ATP2B1: variants seen among roughly 807,000 people sequenced by gnomAD.
ATP2B1 encodes plasma membrane calcium-transporting ATPase 1.
A neutral mutation model predicts 124.2 loss-of-function variants in ATP2B1; 14 were observed. That is an observed-to-expected ratio of 0.11 (90% CI 0.07 to 0.18). The LOEUF (loss-of-function observed/expected upper bound fraction) is 0.18. Among genes scored for constraint, ATP2B1 ranks in the 10% least tolerant of loss-of-function variants. The probability of loss-of-function intolerance (pLI) is 1.00; values close to 1 mark genes in which losing one functional copy is unlikely to be tolerated. For synonymous variants in ATP2B1, 449 were observed against 492.4 expected (o/e 0.91, Z 1.17); for missense variants, 763 against 1,466.1 (o/e 0.52, Z 7.83).
At chr12:89,623,357 T>C (rs1335173635) in intron 9 of ATP2B1, among the ~76,000 whole-genome samples, 1 of 151,818 alleles carries the variant, frequency 6.6e-6, no homozygotes, top group African/African-American at 2.4e-5. Context: ...GCTACATCTT[T>C]TTTTTTTTTA....
chr12:89,611,874 C>T (rs565694402), intron 12 of ATP2B1: 1 of 152,516 alleles, frequency 6.6e-6, no homozygotes, highest in South Asian at 2.1e-4. Flanking sequence ...CATCCTGCCC[C>T]TACCTCACTG....
chr12:89,633,445 G>C (rs1882205217), intron 5 of ATP2B1, among the ~76,000 whole-genome samples: 2 of 150,852 alleles, frequency 1.3e-5, no homozygotes, highest in Admixed American at 6.6e-5. Context: ...AATGTTCTAA[G>C]TGGCACAGGA....
intron 14 of ATP2B1, 28 bp from the exon 15 acceptor site, chr12:89,610,071 TA>T: frequency 6.4e-7 from 1 of 1,568,424 alleles, no homozygotes; most frequent in Non-Finnish European, 8.8e-7. Context: ...ATTTGTGTTA[TA>T]AAAACATTAC....
rs138695665 is a variant in ATP2B1 at position 89,698,996 on chromosome 12, TCA to T, written c.-222+9598_-222+9599del. On this transcript the variant is annotated intron_variant, in intron 1 of 20. Transcript: ENST00000428670. ...TTCTGCAAGGATGAAGGAAAAGAGA[TCA>T]CAGAGTACAGACAGAGGGAAAGATA... 2.4e-3 allele frequency among the ~76,000 whole-genome samples: 359 copies of T among 152,256 alleles called. 2 individuals carry two copies. The highest frequency in any genetic ancestry group is 8.1e-3 in the African/African-American group (337 of 41,544).
rs145633540 is a variant in ATP2B1 at position 89,693,701 on chromosome 12, T to C, written c.-222+14895A>G. 6.0e-3 allele frequency among the ~76,000 whole-genome samples: 911 copies of C among 152,338 alleles called. 7 individuals are homozygous for C. Among genetic ancestry groups the C allele is most frequent in the Non-Finnish European group, 6.5e-3 (439 of 68,022 alleles). ...AACAGTCTTTCTAGTTTCTGAAATT[T>C]GCTCTCTTTCATCTGCAGTGTGCTG... On this transcript the variant is annotated intron_variant, in intron 1 of 20. Coordinates refer to ENST00000428670, the MANE Select transcript of ATP2B1 (RefSeq NM_001366521.1).
At chr12:89,700,669 T>C (rs1272522336) in intron 1 of ATP2B1, among the ~76,000 whole-genome samples, 1 of 152,228 alleles carries the variant, frequency 6.6e-6, no homozygotes, top group African/African-American at 2.4e-5. Context: ...CATTCATCTC[T>C]ACCTTCAGAT....
chr12:89,691,556 T>C (rs1234963804), intron 1 of ATP2B1, among the ~76,000 whole-genome samples: 1 of 152,182 alleles, frequency 6.6e-6, no homozygotes, highest in Non-Finnish European at 1.5e-5. Flanking sequence ...TTATCCTAGA[T>C]AATTTGTAAA....
At chr12:89,619,919 C>G in intron 11 of ATP2B1, 80 bp downstream of exon 11, 1 of 1,518,762 alleles carries the variant, frequency 6.6e-7, no homozygotes, top group Non-Finnish European at 8.9e-7. Context: ...CACAAAAAGA[C>G]AACAACAATA....
At chr12:89,668,252 G>C (rs1372124545) in intron 1 of ATP2B1, among the ~76,000 whole-genome samples, 2 of 152,186 alleles carry the variant, frequency 1.3e-5, no homozygotes, top group Non-Finnish European at 2.9e-5. Context: ...CAGAGCAGTA[G>C]CCACAACTCA....
intron 3 of ATP2B1, among the ~76,000 whole-genome samples, chr12:89,640,063 C>T (rs890297504): frequency 3.9e-5 from 6 of 152,036 alleles, no homozygotes; most frequent in Non-Finnish European, 7.4e-5. Context: ...ATCTATGCAC[C>T]ATCATACCTT....
chr12:89,596,292 A>G (rs933352181), intron 20 of ATP2B1, among the ~76,000 whole-genome samples: 5 of 152,166 alleles, frequency 3.3e-5, no homozygotes, highest in Admixed American at 6.6e-5. Flanking sequence ...AGTAGCAATC[A>G]ATCAGACAAA....
At position 89,634,821 on chromosome 12, in the gene ATP2B1, A is replaced by T; in HGVS notation, c.744T>A (p.Asp248Glu). Residue 248 changes from aspartate (D) to glutamate (E), a missense_variant, in exon 5 of 21, where the codon GAT becomes GAA. This residue lies in a region of ATP2B1 where 392 missense variants were observed against 776.6 expected (regional missense o/e 0.50). Coordinates refer to ENST00000428670, the MANE Select transcript of ATP2B1 (RefSeq NM_001366521.1). ...IDESSLTGES[D>E]HVKKSLDKDP... is the part of the protein sequence containing the mutation. ...CCTTATCTAAAGACTTTTTAACATG[A>T]TCTGATTCACCAGTCAATGAGCTTT... 6.2e-7 allele frequency: 1 copy of T among 1,611,640 alleles called. No homozygotes were observed. Among genetic ancestry groups the T allele is most frequent in the Non-Finnish European group, 8.5e-7 (1 of 1,178,844 alleles).
intron 1 of ATP2B1, among the ~76,000 whole-genome samples, chr12:89,696,438 G>A (rs1202817216): frequency 6.6e-6 from 1 of 151,686 alleles, no homozygotes; most frequent in Non-Finnish European, 1.5e-5. Context: ...CAATAACAAG[G>A]GACTAGCCAT....
At chr12:89,696,491 T>C (rs1404198336) in intron 1 of ATP2B1, among the ~76,000 whole-genome samples, 1 of 108,966 alleles carries the variant, frequency 9.2e-6, no homozygotes, top group East Asian at 2.5e-4. Context: ...AAAAATTTAA[T>C]GACATGAGAA....
intron 3 of ATP2B1, among the ~76,000 whole-genome samples, chr12:89,637,389 C>T (rs1390579363): frequency 2.0e-5 from 3 of 151,132 alleles, no homozygotes; most frequent in African/African-American, 7.3e-5. Flanking sequence ...TTTATGGCTA[C>T]AAGAAGAAAG....
At chr12:89,602,484 C>T (rs1204592915) in intron 18 of ATP2B1, among the ~76,000 whole-genome samples, 1 of 151,966 alleles carries the variant, frequency 6.6e-6, no homozygotes, top group Non-Finnish European at 1.5e-5. Flanking sequence ...TTCTCGGTTC[C>T]ACTATTTTTT....
chr12:89,642,743 T>C (rs1883754979), intron 2 of ATP2B1, among the ~76,000 whole-genome samples: 1 of 152,138 alleles, frequency 6.6e-6, no homozygotes, highest in Non-Finnish European at 1.5e-5. Context: ...TAGCTGGGAC[T>C]ATAGGTGCAT....
In ATP2B1 at chr12:89,603,133, G is replaced by A. The variant is rs1315165463; in HGVS notation, c.2970C>T (p.Ala990=). 1 of 1,613,794 alleles carries A rather than the reference G, an allele frequency of 6.2e-7. No individual in the cohort carries two copies. Among genetic ancestry groups the A allele is most frequent in the Non-Finnish European group, 8.5e-7 (1 of 1,179,880 alleles). The part of the protein sequence containing the change: ...VLMQLFNEIN[A]RKIHGERNVF... Reference sequence around the variant, plus strand: ...CATTTCTTTCACCATGAATTTTCCGGGCATTTATTTCGTTGAAAAGTTGCA... The same window carrying A: ...CATTTCTTTCACCATGAATTTTCCGAGCATTTATTTCGTTGAAAAGTTGCA... Residue 990 remains alanine, a synonymous_variant, in exon 18 of 21, where the codon GCC becomes GCT. Transcript: ENST00000428670. The surrounding 1 kb of genome is among the most constrained non-coding windows in gnomAD (Gnocchi z 4.3).
chr12:89,680,907 C>A (rs1399823749), intron 1 of ATP2B1, among the ~76,000 whole-genome samples: 1 of 152,100 alleles, frequency 6.6e-6, no homozygotes, highest in Non-Finnish European at 1.5e-5. Context: ...AACCACGGAA[C>A]AGCATTTTCA....
Sources: allele counts gnomAD v4.1 joint callset (sites outside exome capture counted in the v4.1 genomes callset), GRCh38; gene constraint gnomAD v4.1.1; regional missense constraint gnomAD v4.1.1; non-coding constraint Gnocchi (gnomAD v3.1); transcripts MANE v1.5; gene names NCBI Gene and HGNC (gene_info 2026-07-23, HGNC 2026-07-21).